The following COL14A1 variants were observed in gnomAD, a reference collection of about 807,000 sequenced individuals.
COL14A1 encodes the protein collagen alpha-1(XIV) chain.
In COL14A1, 136 loss-of-function variants were observed where a neutral mutation model predicts 230.3. That is an observed-to-expected ratio of 0.59 (90% CI 0.51 to 0.68). The LOEUF is 0.68. Among genes scored for constraint, COL14A1 ranks in the 30% least tolerant of loss-of-function variants. COL14A1 has a pLI of 0.00. For missense variants in COL14A1, 1,976 were observed against 2,215.8 expected (o/e 0.89, Z 2.17); for synonymous variants, 792 against 784.1 (o/e 1.01, Z -0.17).
intron 23 of COL14A1, among the ~76,000 whole-genome samples, chr8:120,257,213 G>A (rs754041689): frequency 6.6e-6 from 1 of 152,116 alleles, no homozygotes; most frequent in Non-Finnish European, 1.5e-5. Flanking sequence ...TACTCCCTCA[G>A]TATTATTTTC....
intron 40 of COL14A1, among the ~76,000 whole-genome samples, chr8:120,321,030 C>T (rs149169436): frequency 2.0e-5 from 3 of 152,230 alleles, no homozygotes; most frequent in Non-Finnish European, 4.4e-5. Context: ...CTGCCTGGGT[C>T]CTACACTTCA....
intron 5 of COL14A1, among the ~76,000 whole-genome samples, chr8:120,185,719 G>A (rs140937006): frequency 1.2e-4 from 19 of 152,128 alleles, no homozygotes; most frequent in South Asian, 4.2e-4. Flanking sequence ...TAGCTCTGCC[G>A]GTAACTAGTA....
chr8:120,353,846 AT>A (rs1160751929), intron 45 of COL14A1, among the ~76,000 whole-genome samples: 3 of 151,916 alleles, frequency 2.0e-5, no homozygotes, highest in African/African-American at 7.3e-5. Flanking sequence ...TTCCTCAGGA[AT>A]CTAGAACTGG....
intron 16 of COL14A1, 78 bp from the exon 17 acceptor site, chr8:120,227,142 G>A (rs557900530): frequency 6.6e-7 from 1 of 1,507,892 alleles, no homozygotes; most frequent in African/African-American, 1.4e-5. Flanking sequence ...GTTGTTTCTT[G>A]CTTATGCTCA....
chr8:120,324,971 A>G (rs1821608358), intron 40 of COL14A1, among the ~76,000 whole-genome samples: 1 of 152,212 alleles, frequency 6.6e-6, no homozygotes. Flanking sequence ...GAAACTTGAA[A>G]AAAAGCACAT....
intron 1 of COL14A1, among the ~76,000 whole-genome samples, chr8:120,131,449 T>G (rs965883722): frequency 1.3e-5 from 2 of 152,132 alleles, no homozygotes; most frequent in African/African-American, 4.8e-5. Context: ...ATTTGCATCT[T>G]TCTGATGATT....
chr8:120,249,544 GCTTT>G (rs1022977311), intron 21 of COL14A1, among the ~76,000 whole-genome samples: 4 of 152,118 alleles, frequency 2.6e-5, no homozygotes, highest in African/African-American at 9.7e-5. Context: ...TATTGATCAG[GCTTT>G]CTAAGCACAA....
At chr8:120,285,355 T>G (rs886317349) in intron 32 of COL14A1, among the ~76,000 whole-genome samples, 2 of 150,538 alleles carry the variant, frequency 1.3e-5, no homozygotes, top group Admixed American at 1.3e-4. Flanking sequence ...TCCCAGCTAC[T>G]TGGGAGGCTG....
intron 45 of COL14A1, among the ~76,000 whole-genome samples, chr8:120,360,838 G>T (rs529692239): frequency 6.6e-6 from 1 of 152,252 alleles, no homozygotes; most frequent in South Asian, 2.1e-4. Flanking sequence ...TAGCTTCGTG[G>T]TGCTAGGTGT....
At chr8:120,151,092 T>C (rs189775484) in intron 2 of COL14A1, among the ~76,000 whole-genome samples, 1 of 152,268 alleles carries the variant, frequency 6.6e-6, no homozygotes, top group Non-Finnish European at 1.5e-5. Flanking sequence ...AGATGGTGGC[T>C]GCACGCTGGG....
intron 5 of COL14A1, among the ~76,000 whole-genome samples, chr8:120,184,046 A>AAC (rs1332002263): frequency 6.6e-6 from 1 of 152,124 alleles, no homozygotes; most frequent in Non-Finnish European, 1.5e-5. Flanking sequence ...AAATGGGAAG[A>AAC]ACATCTACCT....
intron 5 of COL14A1, among the ~76,000 whole-genome samples, chr8:120,194,773 A>G (rs546197371): frequency 8.5e-5 from 13 of 152,350 alleles, no homozygotes; most frequent in African/African-American, 2.4e-4. Context: ...GAAAAGAAAG[A>G]AAACTACTCT....
chr8:120,370,563 A>C (rs929214862), intron 47 of COL14A1: 2 of 1,460,162 alleles, frequency 1.4e-6, no homozygotes, highest in African/African-American at 2.8e-5. Flanking sequence ...GAGTGATAAC[A>C]TCGGAACTTA....
chr8:120,268,682 C>T (rs563036688), intron 25 of COL14A1, among the ~76,000 whole-genome samples: 167 of 151,552 alleles, frequency 1.1e-3, no homozygotes, highest in Non-Finnish European at 1.7e-3. Context: ...ATTTATTAAA[C>T]GAACATTAAA....
At chr8:120,145,750 G>A (rs1815072344) in intron 1 of COL14A1, among the ~76,000 whole-genome samples, 1 of 152,150 alleles carries the variant, frequency 6.6e-6, no homozygotes, top group Non-Finnish European at 1.5e-5. Flanking sequence ...GGTGTTATAT[G>A]TATAAACGAA....
At chr8:120,209,135 ATTT>A (rs985135819) in intron 11 of COL14A1, among the ~76,000 whole-genome samples, 66 of 152,238 alleles carry the variant, frequency 4.3e-4, no homozygotes, top group African/African-American at 1.4e-3. Context: ...TTGCAGAAAT[ATTT>A]TAGTGACAAT....
intron 1 of COL14A1, among the ~76,000 whole-genome samples, chr8:120,138,049 A>C (rs574330039): frequency 6.6e-6 from 1 of 152,126 alleles, no homozygotes; most frequent in African/African-American, 2.4e-5. Flanking sequence ...TAAAAAATGT[A>C]CATTTTTGCA....
At position 120,161,256 on chromosome 8, in the gene COL14A1, T is replaced by C. The variant is rs376512205; in HGVS notation, c.206-1170T>C. Among the ~76,000 whole-genome samples, 118 of 152,346 alleles carry C rather than the reference T, an allele frequency of 7.7e-4. 1 individual carries two copies. Among genetic ancestry groups the C allele is most frequent in the African/African-American group, 2.8e-3 (115 of 41,578 alleles). On this transcript the variant is annotated intron_variant, in intron 3 of 47. Transcript: ENST00000297848. Reference sequence around the variant, plus strand: ...AAATTATAATCTGTATTATGTTTGATTAATTCAGCAAATTTCAGTCTTCTC... The same window carrying C: ...AAATTATAATCTGTATTATGTTTGACTAATTCAGCAAATTTCAGTCTTCTC...
intron 23 of COL14A1, among the ~76,000 whole-genome samples, chr8:120,260,890 A>G (rs1260812577): frequency 1.3e-5 from 2 of 152,186 alleles, no homozygotes; most frequent in Admixed American, 1.3e-4. Flanking sequence ...TATTTCATTT[A>G]CATTTGCTTA....
Sources: allele counts gnomAD v4.1 joint callset (sites outside exome capture counted in the v4.1 genomes callset), GRCh38; gene constraint gnomAD v4.1.1; transcripts MANE v1.5; gene names NCBI Gene and HGNC (gene_info 2026-07-23, HGNC 2026-07-21).